The following TRPM2 variants were observed in gnomAD, a reference collection of about 807,000 sequenced individuals.
TRPM2 encodes the protein transient receptor potential cation channel subfamily M member 2, also known as estrogen-responsive element-associated gene 1 protein.
In TRPM2, 161 loss-of-function variants were observed where a neutral mutation model predicts 174.0. That is an observed-to-expected ratio of 0.93 (90% CI 0.81 to 1.05). The LOEUF (loss-of-function observed/expected upper bound fraction) is 1.05, where lower values mean the gene tolerates loss of function less well. TRPM2 is among the 50% of genes least tolerant of loss of function. The probability of loss-of-function intolerance (pLI) is 0.00; values close to 1 mark genes in which losing one functional copy is unlikely to be tolerated. For missense variants in TRPM2, 2,057 were observed against 2,038.0 expected (o/e 1.01, Z -0.18); for synonymous variants, 954 against 861.3 (o/e 1.11, Z -1.88).
intron 13 of TRPM2, among the ~76,000 whole-genome samples, chr21:44,398,881 G>A (rs949480417): frequency 6.6e-6 from 1 of 152,094 alleles, no homozygotes; most frequent in African/African-American, 2.4e-5. Flanking sequence ...TCTTACAAAC[G>A]CAGACTGCTC....
intron 30 of TRPM2, among the ~76,000 whole-genome samples, chr21:44,440,215 T>G (rs1032876604): frequency 4.4e-5 from 6 of 135,074 alleles, no homozygotes; most frequent in African/African-American, 1.7e-4. Flanking sequence ...CGCACACCTG[T>G]AATCTCAGCT....
intron 13 of TRPM2, 120 bp downstream of exon 13, chr21:44,397,996 C>G: frequency 7.9e-7 from 1 of 1,258,326 alleles, no homozygotes; most frequent in Non-Finnish European, 1.0e-6. Flanking sequence ...GTCCCTGGGC[C>G]TCAGCCCTGC....
In TRPM2 at chr21:44,438,146, G is replaced by C. The variant is rs891975664; in HGVS notation, c.4168-921G>C. Reference sequence around the variant, plus strand: ...CCAGCTGCTGGGTCCCAGTGCTTTGGGGGCCTGTCTCCACAGCTGGAACCA... The same window carrying C: ...CCAGCTGCTGGGTCCCAGTGCTTTGCGGGCCTGTCTCCACAGCTGGAACCA... On this transcript the variant is annotated intron_variant, in intron 29 of 31. Transcript: ENST00000397928. This position sits in a 1 kb window ranked among gnomAD's most constrained non-coding sequence, Gnocchi z 5.9. Among the ~76,000 whole-genome samples the C allele has an allele frequency of 6.6e-6, 1 of 152,218 alleles. No individual in the cohort carries two copies. Among genetic ancestry groups the C allele is most frequent in the African/African-American group, 2.4e-5 (1 of 41,460 alleles).
intron 3 of TRPM2, among the ~76,000 whole-genome samples, chr21:44,364,843 G>A (rs1430026493): frequency 6.6e-6 from 1 of 152,240 alleles, no homozygotes; most frequent in Non-Finnish European, 1.5e-5. Context: ...CTGCTGGAGG[G>A]AGGCCCAGGT....
In TRPM2 at chr21:44,364,222, G is replaced by A. The variant is rs1036502480; in HGVS notation, c.363G>A (p.Glu121=). 1.9e-6 allele frequency: 3 copies of A among 1,614,254 alleles called. No homozygotes were observed. In the Admixed American group the frequency reaches 5.0e-5, roughly 27 times the overall value. ...GGGACCCAAAGAAACATGTCCAGGAGATGCCAACCGATGCCTTTGGCGACA... is the reference window on the plus strand; with the variant it reads ...GGGACCCAAAGAAACATGTCCAGGAAATGCCAACCGATGCCTTTGGCGACA... ...TQWDPKKHVQ[E]MPTDAFGDIV... Residue 121 remains glutamate (E), a synonymous_variant, in exon 3 of 32, where the codon GAG becomes GAA. Coordinates refer to ENST00000397928, the MANE Select transcript of TRPM2 (RefSeq NM_003307.4).
At chr21:44,404,116 CATGA>C (rs574821451) in intron 16 of TRPM2, among the ~76,000 whole-genome samples, 177 of 152,058 alleles carry the variant, frequency 1.2e-3, no homozygotes, top group African/African-American at 4.0e-3. Context: ...CATATGCACA[CATGA>C]ATGAACATAC....
At chr21:44,352,476 G>C (rs1325172123), upstream of TRPM2, among the ~76,000 whole-genome samples, 1 of 152,268 alleles carries the variant, frequency 6.6e-6, no homozygotes, top group Non-Finnish European at 1.5e-5. Context: ...GGGGACGGCA[G>C]AGCAAAGGCT....
chr21:44,406,226 AAGCC>A (rs2049869588), intron 18 of TRPM2, among the ~76,000 whole-genome samples, 189 bp downstream of exon 18: 3 of 152,020 alleles, frequency 2.0e-5, no homozygotes, highest in Admixed American at 2.0e-4. Flanking sequence ...CTCTTCCAGG[AAGCC>A]TTCCCTCATT....
intron 24 of TRPM2, 146 bp downstream of exon 24, chr21:44,425,085 G>A (rs1601233777): frequency 8.2e-6 from 6 of 735,442 alleles, no homozygotes; most frequent in South Asian, 5.8e-5. Flanking sequence ...CAGGGCCAGC[G>A]CCCTCAGGAA....
intron 11 of TRPM2, among the ~76,000 whole-genome samples, chr21:44,394,039 A>T (rs981955867): frequency 2.6e-5 from 4 of 151,704 alleles, no homozygotes; most frequent in African/African-American, 7.3e-5. Flanking sequence ...TGCCCAGCTA[A>T]TTTTTTGTAT....
At chr21:44,394,537 T>C (rs1602207029) in intron 11 of TRPM2, among the ~76,000 whole-genome samples, 1 of 151,660 alleles carries the variant, frequency 6.6e-6, no homozygotes, top group South Asian at 2.1e-4. Context: ...GCCAGGATGG[T>C]CTCGATCTCC....
intron 22 of TRPM2, among the ~76,000 whole-genome samples, chr21:44,422,803 A>G (rs2146365910): frequency 8.2e-6 from 1 of 121,342 alleles, no homozygotes; most frequent in African/African-American, 3.2e-5. Context: ...GAAGCCAAAT[A>G]CTCCCAGAAA....
rs1304897969 is a variant in TRPM2, at chr21:44,367,683, A to G, written c.604+749A>G. Among the ~76,000 whole-genome samples the G allele has an allele frequency of 6.6e-6, 1 of 152,180 alleles. No homozygotes were observed. The highest frequency in any genetic ancestry group is 1.5e-5 in the Non-Finnish European group (1 of 68,028). ...GACTACTTGGCAATGTTGCGTCCGG[A>G]TGGGCCTAGAGTCACCCTGCTCTTC... On this transcript the variant is annotated intron_variant, in intron 4 of 31. Transcript: ENST00000397928. This position sits in a 1 kb window ranked among gnomAD's most constrained non-coding sequence, Gnocchi z 4.6.
intron 20 of TRPM2, chr21:44,416,564 T>C: frequency 5.6e-6 from 1 of 178,076 alleles, no homozygotes; most frequent in Non-Finnish European, 1.2e-5. Flanking sequence ...CCAGACAGTG[T>C]CTGTCTCCTG....
chr21:44,393,816 A>T (rs2049255727), intron 11 of TRPM2, among the ~76,000 whole-genome samples: 1 of 149,324 alleles, frequency 6.7e-6, no homozygotes, highest in African/African-American at 2.5e-5. Context: ...CAATCGATCC[A>T]TTGTTCCAGG....
chr21:44,391,416 T>G lies in TRPM2; in HGVS notation c.1585T>G (p.Ser529Ala). The change falls in exon 11 of 32, where the codon TCC (serine) becomes GCC (alanine). Residue 529 changes from serine to alanine, a missense_variant. Ser to Ala is a moderately conservative substitution (Grantham distance 99). Coordinates refer to ENST00000397928, the MANE Select transcript of TRPM2 (RefSeq NM_003307.4). This position sits in a 1 kb window ranked among gnomAD's most constrained non-coding sequence, Gnocchi z 5.0. ...CTACCTGTACGAGAACCTGGACCCCTCCTGCCTGTTCCACAGCAAGCTGCA... is the reference window on the plus strand; with the variant it reads ...CTACCTGTACGAGAACCTGGACCCCGCCTGCCTGTTCCACAGCAAGCTGCA... ...LLYLYENLDP[S>A]CLFHSKLQKV... 1.2e-6 allele frequency: 2 copies of G among 1,614,036 alleles called. No homozygotes were observed. Among genetic ancestry groups the G allele is most frequent in the Non-Finnish European group, 8.5e-7 (1 of 1,180,036 alleles).
In TRPM2 at chr21:44,366,626, T is replaced by G. The variant is rs2048369564; in HGVS notation, c.424-128T>G. ...CCTGCCCACATGGGGACCCCTTTTC[T>G]GGGTCTGAGCCGGAAAGGTGTGCGG... On this transcript the variant is annotated intron_variant, in intron 3 of 31. Coordinates refer to ENST00000397928, the MANE Select transcript of TRPM2 (RefSeq NM_003307.4). The surrounding 1 kb of genome is among the most constrained non-coding windows in gnomAD (Gnocchi z 6.0). The G allele has an allele frequency of 7.9e-7, 1 of 1,269,764 alleles. No homozygotes were observed. The highest frequency in any genetic ancestry group is 1.1e-6 in the Non-Finnish European group (1 of 911,434). 78.7% of individuals were successfully genotyped at this position (1,269,764 alleles called of 1,614,324 possible).
At position 44,429,491 on chromosome 21, in the gene TRPM2, T is replaced by G. The variant is rs536044085; in HGVS notation, c.3974+2380T>G. The stretch of plus-strand genomic sequence containing the variant: ...TAGTAGAGATGGGGTTTCACCATGT[T>G]GGCCAGGCTGGTCTTGAATTCCTGA... On this transcript the variant is annotated intron_variant, in intron 27 of 31. Coordinates refer to ENST00000397928, the MANE Select transcript of TRPM2 (RefSeq NM_003307.4). 1.6e-4 allele frequency among the ~76,000 whole-genome samples: 25 copies of G among 152,100 alleles called. 1 individual carries two copies. Among genetic ancestry groups the G allele is most frequent in the African/African-American group, 5.8e-4 (24 of 41,520 alleles).
In TRPM2 at chr21:44,367,956, C is replaced by A. The variant is rs577203602; in HGVS notation, c.604+1022C>A. On this transcript the variant is annotated intron_variant, in intron 4 of 31. Transcript: ENST00000397928. The surrounding 1 kb of genome is among the most constrained non-coding windows in gnomAD (Gnocchi z 4.6). ...GGCTCTTTCTGAAGCTTTGCTGCCTCAAATAATGCCATGGATTTGTTCAGG... is the reference window on the plus strand; with the variant it reads ...GGCTCTTTCTGAAGCTTTGCTGCCTAAAATAATGCCATGGATTTGTTCAGG... Among the ~76,000 whole-genome samples the A allele has an allele frequency of 6.6e-6, 1 of 152,250 alleles. No individual in the cohort carries two copies. Among genetic ancestry groups the A allele is most frequent in the Non-Finnish European group, 1.5e-5 (1 of 68,046 alleles).
Sources: gnomAD v4.1 joint callset for allele counts (sites outside exome capture counted in the v4.1 genomes callset) on GRCh38, gnomAD v4.1.1 for gene constraint, Gnocchi (gnomAD v3.1) non-coding constraint, MANE v1.5 for transcripts, NCBI Gene and HGNC (gene_info 2026-07-23, HGNC 2026-07-21) for gene names.